The following EPHA7 variants were observed in gnomAD, a reference collection of about 807,000 sequenced individuals.
EPHA7 encodes EPH receptor A7.
A neutral mutation model predicts 112.6 loss-of-function variants in EPHA7; 25 were observed. The observed-to-expected ratio is 0.22, with a 90% confidence interval of 0.16 to 0.31. The LOEUF is 0.31. Among genes scored for constraint, EPHA7 ranks in the 10% least tolerant of loss-of-function variants. EPHA7 has a pLI of 1.00. For synonymous variants in EPHA7, 437 were observed against 406.5 expected, an observed-to-expected ratio of 1.07 and a Z score of -0.90; for missense variants, 962 against 1,212.6, an observed-to-expected ratio of 0.79 and a Z score of 3.07.
intron 5 of EPHA7, among the ~76,000 whole-genome samples, chr6:93,348,930 T>C (rs1014240797): frequency 6.6e-6 from 1 of 151,730 alleles, no homozygotes; most frequent in Non-Finnish European, 1.5e-5. Context: ...TTTTCACAAC[T>C]AATATGTGAA....
intron 5 of EPHA7, among the ~76,000 whole-genome samples, chr6:93,283,816 A>G (rs1771910262): frequency 6.6e-6 from 1 of 152,202 alleles, no homozygotes; most frequent in Non-Finnish European, 1.5e-5. Flanking sequence ...GGACACAGTA[A>G]TATAGTTTCA....
chr6:93,284,331 T>TC (rs141509897), intron 5 of EPHA7, among the ~76,000 whole-genome samples: 30,870 of 151,190 alleles, frequency 0.2, 3,468 homozygotes, highest in South Asian at 0.41. Context: ...TTTTTTTTTT[T>TC]CAAAATCATC....
intron 7 of EPHA7, among the ~76,000 whole-genome samples, chr6:93,265,672 A>T (rs1342787220): frequency 6.6e-6 from 1 of 151,840 alleles, no homozygotes; most frequent in South Asian, 2.1e-4. Flanking sequence ...CCAATAAATG[A>T]TCCAGTTGCA....
rs1294264997 is a variant in EPHA7 at position 93,272,350 on chromosome 6, G to T, written c.1397C>A (p.Pro466Gln). The change falls in exon 6 of 17, where the codon CCA (proline) becomes CAA (glutamine). Residue 466 changes from proline (P) to glutamine (Q), a missense_variant. Transcript: ENST00000369303. ...TGTGATGACTCCATTGGGATGCTCT[G>T]GTTCCTGCCAGGAAAGCTCGACACT... Reference protein sequence around the residue: ...QRSVELSWQEPEHPNGVITEY... With the variant: ...QRSVELSWQEQEHPNGVITEY... 1 of 1,612,144 alleles carries T rather than the reference G, an allele frequency of 6.2e-7. No homozygotes were observed. The highest frequency in any genetic ancestry group is 8.5e-7 in the Non-Finnish European group (1 of 1,178,682).
At chr6:93,328,239 T>C (rs770417246) in intron 5 of EPHA7, among the ~76,000 whole-genome samples, 2 of 151,576 alleles carry the variant, frequency 1.3e-5, no homozygotes, top group Non-Finnish European at 1.5e-5. Context: ...ATTCATGGCT[T>C]TCCTATGTAT....
chr6:93,293,168 C>A (rs937136663), intron 5 of EPHA7, among the ~76,000 whole-genome samples: 5 of 149,650 alleles, frequency 3.3e-5, no homozygotes, highest in African/African-American at 1.0e-4. Context: ...ACTATGTAAA[C>A]CCATATATAT....
At chr6:93,346,426 T>A (rs1461483410) in intron 5 of EPHA7, among the ~76,000 whole-genome samples, 2 of 151,784 alleles carry the variant, frequency 1.3e-5, no homozygotes, top group African/African-American at 4.8e-5. Context: ...AAAACCTGTT[T>A]GTACCATAGA....
chr6:93,406,148 T>A (rs1414834078), intron 3 of EPHA7, among the ~76,000 whole-genome samples: 4 of 151,352 alleles, frequency 2.6e-5, no homozygotes. Context: ...ATTACTTGAA[T>A]TCCCCTTTAC....
Position 93,370,512 on chromosome 6 carries a change from A to C in EPHA7, c.833-12101T>G, listed in dbSNP as rs9452299. Among the ~76,000 whole-genome samples the C allele has an allele frequency of 7.7e-3, 1,180 of 152,306 alleles. 18 individuals carry two copies. Among genetic ancestry groups the C allele is most frequent in the African/African-American group, 0.027 (1,120 of 41,564 alleles). ...AATATCACTGATTCTTATGAAAAAT[A>C]ATTTCAATTTATTTCTTACTGGCTC... On this transcript the variant is annotated intron_variant, in intron 3 of 16. Transcript: ENST00000369303.
At chr6:93,283,144 C>G (rs9363054) in intron 5 of EPHA7, among the ~76,000 whole-genome samples, 31,131 of 152,108 alleles carry the variant, frequency 0.2, 3,553 homozygotes, top group South Asian at 0.42. Flanking sequence ...CACTCTGTAT[C>G]TAGCTCAAGG....
At chr6:93,385,208 T>C (rs572460011) in intron 3 of EPHA7, among the ~76,000 whole-genome samples, 7 of 152,230 alleles carry the variant, frequency 4.6e-5, no homozygotes, top group Admixed American at 1.3e-4. Context: ...ATGTAACTGA[T>C]TGCAAATGTA....
At chr6:93,258,345 A>C in intron 10 of EPHA7, 61 bp from the exon 11 acceptor site, 1 of 1,408,742 alleles carries the variant, frequency 7.1e-7, no homozygotes, top group Non-Finnish European at 9.6e-7. Context: ...TTCTTTTAAG[A>C]GTAAATGCGT....
At chr6:93,256,533 C>G (rs528331191) in intron 12 of EPHA7, among the ~76,000 whole-genome samples, 5 of 152,130 alleles carry the variant, frequency 3.3e-5, no homozygotes, top group African/African-American at 1.2e-4. Context: ...GTAGTGGCCA[C>G]TTTGTTTCCA....
intron 3 of EPHA7, among the ~76,000 whole-genome samples, chr6:93,395,575 TCA>T (rs4053540): frequency 0.2 from 29,645 of 145,288 alleles, 3,028 homozygotes; most frequent in Admixed American, 0.28. Flanking sequence ...TTTACTTATT[TCA>T]CACACACACA....
intron 3 of EPHA7, among the ~76,000 whole-genome samples, chr6:93,395,549 T>C (rs998879154): frequency 1.3e-5 from 2 of 148,728 alleles, no homozygotes; most frequent in Admixed American, 6.8e-5. Context: ...AAATATAAAG[T>C]GGATAAGGAT....
In EPHA7 at chr6:93,243,493, AT is replaced by A; in HGVS notation, c.2929del (p.Ile977SerfsTer2). The A allele has an allele frequency of 6.2e-7, 1 of 1,613,566 alleles. No homozygotes were observed. Among genetic ancestry groups the A allele is most frequent in the East Asian group, 2.2e-5 (1 of 44,824 alleles). On this transcript the variant is annotated frameshift_variant, in exon 17 of 17. Coordinates refer to ENST00000369303, the MANE Select transcript of EPHA7 (RefSeq NM_004440.4). LOFTEE classifies it high-confidence loss of function. Reference protein sequence around the residue: ...GITLVGHQKKIMSSIQTMRAQ... With the variant: ...GITLVGHQKKXMSSIQTMRAQ... ...TCTCATAGTCTGAATGCTGCTCATG[AT>A]TTTCTTTTGATGACCAACCAGTGTG...
chr6:93,352,171 T>C (rs1775727181), intron 5 of EPHA7, among the ~76,000 whole-genome samples: 2 of 152,114 alleles, frequency 1.3e-5, no homozygotes, highest in African/African-American at 4.8e-5. Flanking sequence ...AGTTCCTGAT[T>C]TGAAGGATAA....
At chr6:93,286,654 C>T (rs1229363257) in intron 5 of EPHA7, among the ~76,000 whole-genome samples, 1 of 152,018 alleles carries the variant, frequency 6.6e-6, no homozygotes, top group Non-Finnish European at 1.5e-5. Context: ...GTGAAGGCAC[C>T]AGATCATGGA....
intron 2 of EPHA7, among the ~76,000 whole-genome samples, chr6:93,412,891 T>C (rs929060579): frequency 6.6e-6 from 1 of 152,062 alleles, no homozygotes; most frequent in Non-Finnish European, 1.5e-5. Context: ...ATTTATTCTG[T>C]ATAAGAAAAA....
Sources: gnomAD v4.1 joint callset for allele counts (sites outside exome capture counted in the v4.1 genomes callset) on GRCh38, gnomAD v4.1.1 for gene constraint, MANE v1.5 for transcripts, NCBI Gene and HGNC (gene_info 2026-07-23, HGNC 2026-07-21) for gene names.